Variants in GPC5 observed in about 807,000 individuals in gnomAD.
The protein encoded by GPC5 is glypican 5, also known as glypican-5.
GPC5 carries 47 observed loss-of-function variants against 53.9 expected under a neutral mutation model. The observed-to-expected ratio is 0.87, with a 90% CI of 0.69 to 1.11. GPC5 has a LOEUF of 1.11. Ranked by LOEUF, GPC5 falls within the 50% of genes most tolerant of loss-of-function variation. The pLI, the probability that GPC5 is intolerant of heterozygous loss-of-function variation, is 0.00. For synonymous variants in GPC5, 286 were observed against 263.3 expected, an observed-to-expected ratio of 1.09 and a Z score of -0.84; for missense variants, 748 against 713.1, an observed-to-expected ratio of 1.05 and a Z score of -0.56.
At chr13:91,517,892 A>C (rs189247821) in intron 2 of GPC5, among the ~76,000 whole-genome samples, 3 of 152,268 alleles carry the variant, frequency 2.0e-5, no homozygotes, top group East Asian at 3.9e-4. Context: ...CTTATTTACT[A>C]TCATGAGAAT....
At chr13:91,828,347 ATAGG>A (rs144877705) in intron 5 of GPC5, among the ~76,000 whole-genome samples, 17,660 of 150,114 alleles carry the variant, frequency 0.12, 1,837 homozygotes, top group African/African-American at 0.27. Context: ...AGATAGGTAG[ATAGG>A]TAGGTAGGTA....
chr13:91,974,887 A>T (rs929774949), intron 6 of GPC5, among the ~76,000 whole-genome samples: 2 of 152,210 alleles, frequency 1.3e-5, no homozygotes, highest in Non-Finnish European at 2.9e-5. Flanking sequence ...AGGCTACAGT[A>T]ACCAAAACAG....
chr13:92,174,546 A>G (rs1309602346), intron 7 of GPC5, among the ~76,000 whole-genome samples: 3 of 150,712 alleles, frequency 2.0e-5, no homozygotes, highest in Non-Finnish European at 4.4e-5. Flanking sequence ...AAGAAAAAAA[A>G]AAAACAAAAA....
intron 7 of GPC5, among the ~76,000 whole-genome samples, chr13:92,230,144 C>A (rs530408691): frequency 2.6e-5 from 4 of 152,146 alleles, no homozygotes; most frequent in African/African-American, 9.6e-5. Context: ...ATAACTAGAC[C>A]AGGGAGGTAA....
At chr13:92,276,824 C>A (rs959888845) in intron 7 of GPC5, among the ~76,000 whole-genome samples, 9 of 151,938 alleles carry the variant, frequency 5.9e-5, no homozygotes, top group Admixed American at 5.9e-4. Context: ...AATATCTTTC[C>A]TCAGTGGAAT....
At chr13:92,048,796 T>C (rs1032433580) in intron 6 of GPC5, among the ~76,000 whole-genome samples, 6 of 152,226 alleles carry the variant, frequency 3.9e-5, no homozygotes, top group Non-Finnish European at 7.3e-5. Flanking sequence ...AATGGTTTTT[T>C]CTCAATTTCA....
intron 7 of GPC5, among the ~76,000 whole-genome samples, chr13:92,155,038 A>G (rs2041933735): frequency 6.6e-6 from 1 of 152,132 alleles, no homozygotes; most frequent in Admixed American, 6.5e-5. Flanking sequence ...CAGGTCACAT[A>G]TCATATCTGC....
intron 2 of GPC5, among the ~76,000 whole-genome samples, chr13:91,564,210 TTTC>T (rs1397838668): frequency 6.6e-6 from 1 of 152,220 alleles, no homozygotes; most frequent in African/African-American, 2.4e-5. Context: ...TTCGTGGTGA[TTTC>T]TTCTTTTAGG....
At chr13:91,445,087 T>G (rs79010785) in intron 1 of GPC5, among the ~76,000 whole-genome samples, 4 of 152,184 alleles carry the variant, frequency 2.6e-5, no homozygotes, top group African/African-American at 9.7e-5. Flanking sequence ...TTTTCCCTTC[T>G]TCACGGTTTC....
intron 7 of GPC5, among the ~76,000 whole-genome samples, chr13:92,482,341 A>C (rs1474351049): frequency 2.6e-5 from 4 of 152,150 alleles, no homozygotes; most frequent in Admixed American, 2.6e-4. Flanking sequence ...TCCTCCTAAA[A>C]GCTGTTTAGC....
chr13:92,230,378 A>G (rs1402196547), intron 7 of GPC5, among the ~76,000 whole-genome samples: 1 of 152,190 alleles, frequency 6.6e-6, no homozygotes, highest in Non-Finnish European at 1.5e-5. Context: ...AATACTGGTT[A>G]CTACCAATTT....
At chr13:92,839,692 A>G (rs1878354050) in intron 7 of GPC5, among the ~76,000 whole-genome samples, 1 of 152,078 alleles carries the variant, frequency 6.6e-6, no homozygotes, top group Admixed American at 6.6e-5. Context: ...TTGAAGATCA[A>G]TGAATCCAGG....
At chr13:91,734,924 G>A (rs929910867) in intron 4 of GPC5, among the ~76,000 whole-genome samples, 6 of 149,468 alleles carry the variant, frequency 4.0e-5, no homozygotes, top group Non-Finnish European at 8.9e-5. Context: ...TGTTAGCTGG[G>A]TTTTCTACTA....
At chr13:91,970,462 C>T (rs543668077) in intron 6 of GPC5, among the ~76,000 whole-genome samples, 1 of 151,396 alleles carries the variant, frequency 6.6e-6, no homozygotes, top group South Asian at 2.1e-4. Context: ...CATACATACA[C>T]ACAAGCTATG....
intron 7 of GPC5, among the ~76,000 whole-genome samples, chr13:92,546,007 C>G (rs1004962154): frequency 6.6e-6 from 1 of 152,080 alleles, no homozygotes; most frequent in Non-Finnish European, 1.5e-5. Flanking sequence ...TGCCTATATC[C>G]TGAATGGTGT....
At chr13:92,821,769 T>C (rs1326172849) in intron 7 of GPC5, among the ~76,000 whole-genome samples, 1 of 152,140 alleles carries the variant, frequency 6.6e-6, no homozygotes, top group African/African-American at 2.4e-5. Flanking sequence ...CAGTTAACTT[T>C]TGTGCTCTTT....
At chr13:91,547,182 G>A (rs1414966235) in intron 2 of GPC5, among the ~76,000 whole-genome samples, 2 of 152,056 alleles carry the variant, frequency 1.3e-5, no homozygotes, top group East Asian at 3.8e-4. Context: ...TACATCTTGT[G>A]ACATATCCAA....
chr13:91,562,188 TAAA>T (rs10603242), intron 2 of GPC5, among the ~76,000 whole-genome samples: 1,715 of 45,116 alleles, frequency 0.038, 40 homozygotes, highest in African/African-American at 0.13. Flanking sequence ...GGAGCAACAG[TAAA>T]AAAAAAAAAA....
At chr13:92,732,627 T>C (rs943464229) in intron 7 of GPC5, among the ~76,000 whole-genome samples, 3 of 151,684 alleles carry the variant, frequency 2.0e-5, no homozygotes, top group Admixed American at 6.6e-5. Flanking sequence ...AAGAAGATTG[T>C]GTAATTTTGA....
Sources: allele counts gnomAD v4.1 joint callset (sites outside exome capture counted in the v4.1 genomes callset), GRCh38; gene constraint gnomAD v4.1.1; transcripts MANE v1.5; gene names NCBI Gene and HGNC (gene_info 2026-07-23, HGNC 2026-07-21).